The following PTPRN2 variants were observed in gnomAD, a reference collection of about 807,000 sequenced individuals.
PTPRN2 encodes the protein protein tyrosine phosphatase receptor type N2.
Under a neutral mutation model 118.8 loss-of-function variants are expected in PTPRN2, and 74 were observed. That is an observed-to-expected ratio of 0.62 (90% CI 0.52 to 0.76). The LOEUF (loss-of-function observed/expected upper bound fraction) is 0.76, where lower values mean the gene tolerates loss of function less well. PTPRN2 is among the 30% of genes least tolerant of loss of function. The probability of loss-of-function intolerance (pLI) is 0.00; values close to 1 mark genes in which losing one functional copy is unlikely to be tolerated. For synonymous variants in PTPRN2, 641 were observed against 608.0 expected, an observed-to-expected ratio of 1.05 and a Z score of -0.80; for missense variants, 1,481 against 1,394.4, an observed-to-expected ratio of 1.06 and a Z score of -0.99.
chr7:158,327,293 GTACACATTCTCACACA>G (rs1484482429), intron 2 of PTPRN2, among the ~76,000 whole-genome samples: 6 of 138,214 alleles, frequency 4.3e-5, no homozygotes, highest in Admixed American at 1.5e-4. Context: ...GCTCACACAT[GTACACATTCTCACACA>G]TACACATTCT....
At chr7:158,149,996 C>T (rs1178948513) in intron 6 of PTPRN2, among the ~76,000 whole-genome samples, 1 of 152,040 alleles carries the variant, frequency 6.6e-6, no homozygotes, top group Non-Finnish European at 1.5e-5. Flanking sequence ...TTTGTTAAGC[C>T]TCATTACAGA....
intron 16 of PTPRN2, among the ~76,000 whole-genome samples, chr7:157,601,909 C>CGT (rs1380677688): frequency 5.3e-5 from 8 of 152,250 alleles, no homozygotes. Flanking sequence ...GTTGCCAACT[C>CGT]TGCTGCACAT....
At chr7:157,928,664 A>G (rs4716813) in intron 11 of PTPRN2, among the ~76,000 whole-genome samples, 70,672 of 141,336 alleles carry the variant, frequency 0.5, 18,896 homozygotes, top group African/African-American at 0.71. Context: ...CTGGGAGTGC[A>G]AGTTCCGACT....
At chr7:158,561,368 G>A (rs978653438) in intron 1 of PTPRN2, among the ~76,000 whole-genome samples, 1 of 152,142 alleles carries the variant, frequency 6.6e-6, no homozygotes, top group Non-Finnish European at 1.5e-5. Context: ...TCGGGGGTGT[G>A]GGGCTCCTTC....
intron 13 of PTPRN2, chr7:157,669,442 C>CA: frequency 4.4e-6 from 2 of 457,268 alleles, no homozygotes; most frequent in South Asian, 1.6e-5. Context: ...CACACACACC[C>CA]AGGGGAGGAT....
chr7:157,791,061 AT>A (rs1804458851), intron 12 of PTPRN2, among the ~76,000 whole-genome samples: 1 of 152,222 alleles, frequency 6.6e-6, no homozygotes, highest in African/African-American at 2.4e-5. Flanking sequence ...AGCAAAAAAA[AT>A]CCCGTTTCTT....
chr7:158,054,061 TAGAGATGG>T (rs1809588432), intron 11 of PTPRN2, among the ~76,000 whole-genome samples: 1 of 129,498 alleles, frequency 7.7e-6, no homozygotes, highest in Non-Finnish European at 1.6e-5. Context: ...GCAGAGATCC[TAGAGATGG>T]AGAGACCCCA....
At chr7:157,882,330 A>G (rs1468407978) in intron 12 of PTPRN2, among the ~76,000 whole-genome samples, 1 of 151,612 alleles carries the variant, frequency 6.6e-6, no homozygotes, top group East Asian at 2.0e-4. Flanking sequence ...AGAACACACC[A>G]CCCCAAAAAT....
At chr7:157,916,179 G>A (rs994813548) in intron 11 of PTPRN2, among the ~76,000 whole-genome samples, 1 of 152,202 alleles carries the variant, frequency 6.6e-6, no homozygotes, top group African/African-American at 2.4e-5. Flanking sequence ...GTGTGGTGCT[G>A]CGTGTGGACG....
In PTPRN2 at chr7:158,006,812, G is replaced by A. The variant is rs578173918; in HGVS notation, c.1723+74486C>T. On this transcript the variant is annotated intron_variant, in intron 11 of 22. Coordinates refer to ENST00000389418, the MANE Select transcript of PTPRN2 (RefSeq NM_002847.5). Reference sequence around the variant, plus strand: ...ACATTTCCAAAAGTAAACCTGTAACGCATCATGTCTCAAAGACAGGAAACC... The same window carrying A: ...ACATTTCCAAAAGTAAACCTGTAACACATCATGTCTCAAAGACAGGAAACC... Among the ~76,000 whole-genome samples, 16 of 152,232 alleles carry A rather than the reference G, an allele frequency of 1.1e-4. No homozygotes were observed. The South Asian group carries it at 2.7e-3, about 26-fold the overall frequency.
chr7:158,185,912 CAACAGA>C, intron 5 of PTPRN2, among the ~76,000 whole-genome samples: 1 of 152,156 alleles, frequency 6.6e-6, no homozygotes, highest in South Asian at 2.1e-4. Context: ...TAGAAAGATT[CAACAGA>C]TCTTTTTCCA....
At chr7:158,550,039 A>AAGG (rs1246945051) in intron 1 of PTPRN2, among the ~76,000 whole-genome samples, 1 of 152,080 alleles carries the variant, frequency 6.6e-6, no homozygotes, top group African/African-American at 2.4e-5. Context: ...CGGCGTCAGG[A>AAGG]AGGACCTCAT....
chr7:157,970,577 A>C (rs1358781528), intron 11 of PTPRN2, among the ~76,000 whole-genome samples: 1 of 150,840 alleles, frequency 6.6e-6, no homozygotes, highest in East Asian at 2.0e-4. Context: ...TGGCAGGGGC[A>C]TGTTTCCTCC....
chr7:157,595,256 G>A lies in PTPRN2; in HGVS notation c.2478C>T (p.Thr826=), dbSNP rs186217642. 1.3e-4 allele frequency: 214 copies of A among 1,614,178 alleles called. No homozygotes were observed. The highest frequency in any genetic ancestry group is 1.7e-4 in the Non-Finnish European group (203 of 1,180,032). The change falls in exon 17 of 23, where the codon ACC becomes ACT. Residue 826 remains threonine, a synonymous_variant. Transcript: ENST00000389418. The stretch of plus-strand genomic sequence containing the variant: ...TGTTCACCTGCCAAAAGTCAGCCAC[G>A]GTGGCGGGCAGCGGTCCCTGGGTGG... ...YIATQGPLPA[T]VADFWQMVWE...
chr7:158,342,237 A>G (rs1479333807), intron 2 of PTPRN2, among the ~76,000 whole-genome samples: 1 of 131,140 alleles, frequency 7.6e-6, no homozygotes, highest in Non-Finnish European at 1.6e-5. Flanking sequence ...CACTCTCACC[A>G]TAAGAGCTGA....
At chr7:158,112,475 G>A (rs1302657847) in intron 9 of PTPRN2, among the ~76,000 whole-genome samples, 2 of 152,198 alleles carry the variant, frequency 1.3e-5, no homozygotes, top group Non-Finnish European at 2.9e-5. Context: ...TGGGGCAGGG[G>A]CCTGAGCTGG....
chr7:158,253,284 C>T (rs999118189), intron 3 of PTPRN2, among the ~76,000 whole-genome samples: 2 of 150,976 alleles, frequency 1.3e-5, no homozygotes, highest in Admixed American at 6.6e-5. Context: ...GCCAGCACAG[C>T]GGGCGGGGGC....
intron 2 of PTPRN2, among the ~76,000 whole-genome samples, chr7:158,401,517 C>A (rs981987167): frequency 3.3e-5 from 5 of 152,068 alleles, no homozygotes; most frequent in South Asian, 2.1e-4. Flanking sequence ...GGCAGAGAGA[C>A]CCTGGCCTAG....
intron 2 of PTPRN2, among the ~76,000 whole-genome samples, chr7:158,332,413 CATAAG>C (rs1804669739): frequency 6.7e-6 from 1 of 149,738 alleles, no homozygotes; most frequent in Non-Finnish European, 1.5e-5. Context: ...ATACTCTCAA[CATAAG>C]AGCTGACACC....
Sources: gnomAD v4.1 joint callset for allele counts (sites outside exome capture counted in the v4.1 genomes callset) on GRCh38, gnomAD v4.1.1 for gene constraint, MANE v1.5 for transcripts, NCBI Gene and HGNC (gene_info 2026-07-23, HGNC 2026-07-21) for gene names.